The following TBC1D15 variants were observed in gnomAD, a reference collection of about 807,000 sequenced individuals.
TBC1D15 encodes the protein TBC1 domain family member 15, also known as GAP for RAB7.
Under a neutral mutation model 95.4 loss-of-function variants are expected in TBC1D15, and 39 were observed. The ratio of observed to expected loss-of-function variants is 0.41; its 90% CI spans 0.32 to 0.53. TBC1D15 has a LOEUF of 0.53. Ranked by LOEUF, TBC1D15 falls within the 20% of genes least tolerant of loss-of-function variation. The pLI is 0.29. For synonymous variants in TBC1D15, 258 were observed against 261.3 expected (o/e 0.99, Z 0.12); for missense variants, 733 against 794.3 (o/e 0.92, Z 0.93).
rs761256425 is a variant in TBC1D15 at position 71,896,754 on chromosome 12, A to G, written c.1062A>G (p.Glu354=). 5.0e-6 allele frequency: 8 copies of G among 1,611,634 alleles called. No individual in the cohort carries two copies. The highest frequency in any genetic ancestry group is 6.8e-6 in the Non-Finnish European group (8 of 1,179,014). ...GYFPWDSTKE[E]RTQLQKQKTD... ...TTCCCTGGGACAGTACCAAGGAGGA[A>G]AGAACCCAATTACAAAAGCAAAAAA... The change falls in exon 9 of 17, where the codon GAA becomes GAG. Residue 354 remains glutamate (E), a synonymous_variant. Coordinates refer to ENST00000485960, the MANE Select transcript of TBC1D15 (RefSeq NM_001146213.3).
rs576678004 is a variant in TBC1D15 at position 71,858,395 on chromosome 12, T to G, written c.31-13675T>G. Among the ~76,000 whole-genome samples, 13 of 151,892 alleles carry G rather than the reference T, an allele frequency of 8.6e-5. No homozygotes were observed. In the South Asian group the frequency reaches 2.5e-3, roughly 29 times the overall value. On this transcript the variant is annotated intron_variant, in intron 1 of 16. Transcript: ENST00000485960. ...CCACCACATTTTCTTTATCCAGTCA[T>G]CTGTTGATGGACTCTTAGATTGACT...
intron 3 of TBC1D15, among the ~76,000 whole-genome samples, chr12:71,875,694 A>AT (rs1276535863): frequency 6.6e-6 from 1 of 151,496 alleles, no homozygotes; most frequent in Non-Finnish European, 1.5e-5. Flanking sequence ...ATTTGAACAG[A>AT]TTTTTTTATT....
At chr12:71,863,513 C>T (rs1346186209) in intron 1 of TBC1D15, among the ~76,000 whole-genome samples, 1 of 152,074 alleles carries the variant, frequency 6.6e-6, no homozygotes, top group Non-Finnish European at 1.5e-5. Context: ...TTAAGGAAGA[C>T]CTTTTTAGGT....
intron 1 of TBC1D15, among the ~76,000 whole-genome samples, chr12:71,854,278 T>C (rs1592699727): frequency 6.6e-6 from 1 of 152,302 alleles, no homozygotes; most frequent in East Asian, 1.9e-4. Flanking sequence ...TTTATTATTA[T>C]TATTATTTTT....
At chr12:71,854,208 TTTGC>T (rs1888496843) in intron 1 of TBC1D15, among the ~76,000 whole-genome samples, 1 of 152,226 alleles carries the variant, frequency 6.6e-6, no homozygotes, top group African/African-American at 2.4e-5. Flanking sequence ...TCCTTCATTG[TTTGC>T]TGGGGAGTAT....
At chr12:71,857,157 C>G (rs973299097) in intron 1 of TBC1D15, among the ~76,000 whole-genome samples, 3 of 151,034 alleles carry the variant, frequency 2.0e-5, no homozygotes, top group Non-Finnish European at 4.4e-5. Context: ...GCTTTACTGC[C>G]CAGGATGGTC....
At chr12:71,853,524 A>G (rs774758141) in intron 1 of TBC1D15, among the ~76,000 whole-genome samples, 5 of 152,020 alleles carry the variant, frequency 3.3e-5, no homozygotes, top group Non-Finnish European at 5.9e-5. Context: ...AATATCCTTC[A>G]CTACTATTTG....
chr12:71,914,361 G>A (rs1903168136), intron 12 of TBC1D15, among the ~76,000 whole-genome samples: 1 of 151,916 alleles, frequency 6.6e-6, no homozygotes, highest in Admixed American at 6.6e-5. Flanking sequence ...CTCCAGATGT[G>A]TTTGAACTAT....
intron 1 of TBC1D15, among the ~76,000 whole-genome samples, chr12:71,864,270 A>G (rs926464359): frequency 6.6e-6 from 1 of 151,994 alleles, no homozygotes; most frequent in East Asian, 1.9e-4. Context: ...GGGTTTCACC[A>G]TGTTGGCCAG....
At chr12:71,887,539 A>T (rs564748805) in intron 5 of TBC1D15, among the ~76,000 whole-genome samples, 1 of 152,262 alleles carries the variant, frequency 6.6e-6, no homozygotes, top group East Asian at 1.9e-4. Context: ...TCAGTTCCTA[A>T]AACCCCCTAA....
chr12:71,896,732 C>T lies in TBC1D15; in HGVS notation c.1040C>T (p.Pro347Leu). The change falls in exon 9 of 17, where the codon CCC becomes CTC. Residue 347 changes from proline to leucine, a missense_variant. Coordinates refer to ENST00000485960, the MANE Select transcript of TBC1D15 (RefSeq NM_001146213.3). ...TGGAAATTTCTTCTGGGTTATTTTC[C>T]CTGGGACAGTACCAAGGAGGAAAGA... ...QAWKFLLGYF[P>L]WDSTKEERTQ... 1 of 1,612,788 alleles carries T rather than the reference C, an allele frequency of 6.2e-7. No individual in the cohort carries two copies. The highest frequency in any genetic ancestry group is 8.5e-7 in the Non-Finnish European group (1 of 1,179,302).
At chr12:71,885,172 A>C in intron 5 of TBC1D15, 151 bp downstream of exon 5, 1 of 670,198 alleles carries the variant, frequency 1.5e-6, no homozygotes, top group Non-Finnish European at 2.5e-6. Flanking sequence ...ATTTCTTTGG[A>C]ACAATGACTG....
chr12:71,850,106 C>T, intron 1 of TBC1D15: 1 of 522,596 alleles, frequency 1.9e-6, no homozygotes, highest in Admixed American at 2.5e-5. Flanking sequence ...AGAAGACACT[C>T]TGGAGTTATC....
intron 1 of TBC1D15, among the ~76,000 whole-genome samples, chr12:71,865,752 G>T (rs1370822355): frequency 6.6e-6 from 1 of 152,040 alleles, no homozygotes; most frequent in East Asian, 1.9e-4. Flanking sequence ...GTTTCTCTCG[G>T]ATATGGGGTA....
At chr12:71,913,779 T>C in intron 11 of TBC1D15, 47 bp from the exon 12 acceptor site, 1 of 1,310,428 alleles carries the variant, frequency 7.6e-7, no homozygotes, top group Middle Eastern at 1.9e-4. Context: ...TGCAGAAGGT[T>C]ACATAAAACT....
At chr12:71,896,449 C>T (rs1898190452) in intron 8 of TBC1D15, 4 of 262,322 alleles carry the variant, frequency 1.5e-5, no homozygotes, top group Non-Finnish European at 1.9e-5. Flanking sequence ...CTGTAGTCTA[C>T]TGTATTCTGT....
intron 6 of TBC1D15, chr12:71,894,465 T>C: frequency 7.3e-7 from 1 of 1,371,280 alleles, no homozygotes; most frequent in Non-Finnish European, 1.0e-6. Flanking sequence ...TAGCATTAAC[T>C]TGTCATTTAT....
At chr12:71,871,473 A>G (rs1892665554) in intron 1 of TBC1D15, among the ~76,000 whole-genome samples, 1 of 152,200 alleles carries the variant, frequency 6.6e-6, no homozygotes, top group Admixed American at 6.5e-5. Context: ...ATAGTTAGAA[A>G]GGATTGATTC....
At chr12:71,877,413 TC>T in intron 3 of TBC1D15, among the ~76,000 whole-genome samples, 1 of 151,808 alleles carries the variant, frequency 6.6e-6, no homozygotes, top group South Asian at 2.1e-4. Context: ...GATGATTTCT[TC>T]CCCATTTTCT....
Sources: gnomAD v4.1 joint callset for allele counts (sites outside exome capture counted in the v4.1 genomes callset) on GRCh38, gnomAD v4.1.1 for gene constraint, MANE v1.5 for transcripts, NCBI Gene and HGNC (gene_info 2026-07-23, HGNC 2026-07-21) for gene names.